Variants in ZDHHC20 observed in about 807,000 individuals in gnomAD.
The protein encoded by ZDHHC20 is palmitoyltransferase ZDHHC20.
A neutral mutation model predicts 57.8 loss-of-function variants in ZDHHC20; 43 were observed. The ratio of observed to expected loss-of-function variants is 0.74; its 90% CI spans 0.58 to 0.96. The LOEUF (loss-of-function observed/expected upper bound fraction) is 0.96, where lower values mean the gene tolerates loss of function less well. Ranked by LOEUF, ZDHHC20 falls within the 40% of genes least tolerant of loss-of-function variation. ZDHHC20 has a pLI of 0.00. For missense variants in ZDHHC20, 391 were observed against 441.1 expected, an observed-to-expected ratio of 0.89 and a Z score of 1.02; for synonymous variants, 157 against 153.0, an observed-to-expected ratio of 1.03 and a Z score of -0.19.
At chr13:21,454,512 T>C (rs1057128166) in intron 1 of ZDHHC20, among the ~76,000 whole-genome samples, 1 of 152,114 alleles carries the variant, frequency 6.6e-6, no homozygotes, top group African/African-American at 2.4e-5. Flanking sequence ...GGAGGTAAAT[T>C]TATAGGACTA....
At chr13:21,402,400 TA>T (rs1566080078) in intron 5 of ZDHHC20, among the ~76,000 whole-genome samples, 3 of 151,852 alleles carry the variant, frequency 2.0e-5, no homozygotes, top group African/African-American at 4.8e-5. Context: ...ACAGATCATC[TA>T]AAAAAAATAA....
chr13:21,388,131 G>T (rs1435643975), intron 8 of ZDHHC20, among the ~76,000 whole-genome samples: 1 of 152,140 alleles, frequency 6.6e-6, no homozygotes, highest in Non-Finnish European at 1.5e-5. Flanking sequence ...AGCTAATTTT[G>T]TCTCGATAGA....
chr13:21,397,553 T>C (rs1299755666), intron 7 of ZDHHC20, among the ~76,000 whole-genome samples: 2 of 151,784 alleles, frequency 1.3e-5, no homozygotes, highest in Admixed American at 6.6e-5. Flanking sequence ...TCCCAGCTAC[T>C]TGGGGGCTTG....
chr13:21,385,871 G>A (rs1437096468), intron 9 of ZDHHC20, among the ~76,000 whole-genome samples: 2 of 152,026 alleles, frequency 1.3e-5, no homozygotes, highest in Non-Finnish European at 2.9e-5. Flanking sequence ...GGAAAGGATA[G>A]TAATTTACAA....
At chr13:21,454,127 A>C (rs60093854) in intron 1 of ZDHHC20, among the ~76,000 whole-genome samples, 5,145 of 152,204 alleles carry the variant, frequency 0.034, 263 homozygotes, top group African/African-American at 0.11. Flanking sequence ...GGAGTTGAAG[A>C]CCACCCTGGC....
intron 1 of ZDHHC20, among the ~76,000 whole-genome samples, chr13:21,427,609 G>A (rs1353249629): frequency 2.6e-5 from 4 of 152,018 alleles, no homozygotes; most frequent in South Asian, 2.1e-4. Flanking sequence ...TGAGATGGGT[G>A]GATCACTTGA....
At chr13:21,381,657 C>G in intron 10 of ZDHHC20, 108 bp from the exon 11 acceptor site, 2 of 740,130 alleles carry the variant, frequency 2.7e-6, no homozygotes, top group Non-Finnish European at 2.3e-6. Flanking sequence ...TATGTGAGGG[C>G]AACTCATGAG....
At chr13:21,419,956 ATT>A (rs1454715413) in intron 3 of ZDHHC20, among the ~76,000 whole-genome samples, 3 of 152,318 alleles carry the variant, frequency 2.0e-5, no homozygotes, top group African/African-American at 7.2e-5. Flanking sequence ...ATCATCTAAT[ATT>A]TGAGTCCTAA....
intron 4 of ZDHHC20, among the ~76,000 whole-genome samples, chr13:21,405,295 T>G (rs912150726): frequency 2.0e-5 from 3 of 152,240 alleles, no homozygotes; most frequent in African/African-American, 7.2e-5. Flanking sequence ...TCATTTAATA[T>G]GATACAGAGG....
intron 10 of ZDHHC20, among the ~76,000 whole-genome samples, chr13:21,382,264 T>C (rs1020390449): frequency 1.3e-5 from 2 of 152,230 alleles, no homozygotes; most frequent in Non-Finnish European, 2.9e-5. Context: ...CTAAGATTTA[T>C]GGTTCTTCCA....
intron 1 of ZDHHC20, among the ~76,000 whole-genome samples, chr13:21,451,139 G>A (rs1023915920): frequency 1.3e-5 from 2 of 152,066 alleles, no homozygotes; most frequent in Non-Finnish European, 2.9e-5. Flanking sequence ...AGGGAAATAG[G>A]TTTTTTAAAC....
rs201672234 is a variant in ZDHHC20 at position 21,401,685 on chromosome 13, T to C, written c.441A>G (p.Ser147=). 150 of 1,516,306 alleles carry C rather than the reference T, an allele frequency of 9.9e-5. 1 individual carries two copies. In the African/African-American group the frequency reaches 2.0e-3, roughly 20 times the overall value. The allele number at this position is 1,516,306 out of a possible 1,614,324, so 93.9% of individuals were successfully genotyped here. ...AGTGATGATCCATCTTAAGAATACA[T>C]CTAGGAAACAAACAAGCATAAGAAA... The part of the protein sequence containing the change: ...DRAHHCSACD[S]CILKMDHHCP... Residue 147 remains serine (S), a splice_region_variant and synonymous_variant, in exon 6 of 13, where the codon TCA becomes TCG. Coordinates refer to ENST00000400590, the MANE Select transcript of ZDHHC20 (RefSeq NM_001330059.2).
At chr13:21,385,870 A>G (rs1302831782) in intron 9 of ZDHHC20, among the ~76,000 whole-genome samples, 1 of 152,226 alleles carries the variant, frequency 6.6e-6, no homozygotes, top group Non-Finnish European at 1.5e-5. Context: ...GGGAAAGGAT[A>G]GTAATTTACA....
intron 8 of ZDHHC20, among the ~76,000 whole-genome samples, chr13:21,390,859 T>C (rs117203774): frequency 3.3e-5 from 5 of 150,500 alleles, no homozygotes; most frequent in Non-Finnish European, 4.4e-5. Context: ...GTGATGGTAC[T>C]ACTGCACTCT....
chr13:21,392,798 T>A (rs1875981016), intron 7 of ZDHHC20, among the ~76,000 whole-genome samples: 1 of 152,234 alleles, frequency 6.6e-6, no homozygotes, highest in Admixed American at 6.5e-5. Context: ...ATTGTGACAT[T>A]GATCTTTTTC....
chr13:21,409,407 T>C (rs1007479196), intron 4 of ZDHHC20, among the ~76,000 whole-genome samples: 9 of 152,232 alleles, frequency 5.9e-5, no homozygotes, highest in South Asian at 2.1e-4. Flanking sequence ...GAGGTGTTTA[T>C]GGTATTCTCT....
chr13:21,434,947 G>A (rs1443448653), intron 1 of ZDHHC20, among the ~76,000 whole-genome samples: 9 of 152,290 alleles, frequency 5.9e-5, no homozygotes, highest in African/African-American at 2.4e-5. Context: ...TATCTTCAGT[G>A]TAGATTCCTA....
At chr13:21,448,210 C>T (rs1883999322) in intron 1 of ZDHHC20, among the ~76,000 whole-genome samples, 1 of 91,264 alleles carries the variant, frequency 1.1e-5, no homozygotes, top group Admixed American at 1.0e-4. Flanking sequence ...CAGCCCCCCG[C>T]CCGGCCAGCT....
chr13:21,428,951 CA>C (rs1196075766), intron 1 of ZDHHC20, among the ~76,000 whole-genome samples: 1 of 152,148 alleles, frequency 6.6e-6, no homozygotes, highest in African/African-American at 2.4e-5. Context: ...AATGTTTATA[CA>C]TTTTTTTATG....
Sources: gnomAD v4.1 joint callset for allele counts (sites outside exome capture counted in the v4.1 genomes callset) on GRCh38, gnomAD v4.1.1 for gene constraint, MANE v1.5 for transcripts, NCBI Gene and HGNC (gene_info 2026-07-23, HGNC 2026-07-21) for gene names.